Variants in ROS1 observed in about 807,000 individuals in gnomAD.
The protein encoded by ROS1 is ROS proto-oncogene 1, receptor tyrosine kinase.
A neutral mutation model predicts 273.5 loss-of-function variants in ROS1; 263 were observed. The observed-to-expected ratio is 0.96, with a 90% CI of 0.87 to 1.06. The LOEUF is 1.06. ROS1 is among the 50% of genes least tolerant of loss of function. The pLI is 0.00. For missense variants in ROS1, 2,833 were observed against 2,751.1 expected, an observed-to-expected ratio of 1.03 and a Z score of -0.67; for synonymous variants, 1,008 against 954.1, an observed-to-expected ratio of 1.06 and a Z score of -1.04.
At chr6:117,364,293 T>G (rs1264106594) in intron 21 of ROS1, among the ~76,000 whole-genome samples, 4 of 152,228 alleles carry the variant, frequency 2.6e-5, no homozygotes, top group Admixed American at 2.6e-4. Flanking sequence ...TCTTACCACC[T>G]GCCAAATCCT....
At position 117,394,164 on chromosome 6, in the gene ROS1, G is replaced by A; in HGVS notation, c.1189C>T (p.Leu397=). The A allele has an allele frequency of 6.3e-7, 1 of 1,577,960 alleles. No individual in the cohort carries two copies. Among genetic ancestry groups the A allele is most frequent in the East Asian group, 2.3e-5 (1 of 43,426 alleles). The change falls in exon 11 of 44, where the codon CTG becomes TTG. Residue 397 remains leucine (L), a splice_region_variant and synonymous_variant. Transcript: ENST00000368507. The stretch of plus-strand genomic sequence containing the variant: ...CCTCTTTAACTTCTCGGACTAACCA[G>A]TTCATCCATGATGAAATACATTCTT... ...YQRMYFIMDE[L]VCVCDLENCS...
intron 43 of ROS1, among the ~76,000 whole-genome samples, chr6:117,300,215 T>G (rs1774607585): frequency 6.7e-6 from 1 of 149,168 alleles, no homozygotes; most frequent in Non-Finnish European, 1.5e-5. Flanking sequence ...CCTCCCAAAC[T>G]GCTGGGATTA....
chr6:117,378,924 C>A, intron 18 of ROS1, 135 bp downstream of exon 18: 1 of 608,720 alleles, frequency 1.6e-6, no homozygotes. Context: ...CCTCTTTACC[C>A]TACAAGCCCA....
chr6:117,345,398 C>T (rs567058398), intron 27 of ROS1, among the ~76,000 whole-genome samples: 1 of 152,354 alleles, frequency 6.6e-6, no homozygotes, highest in African/African-American at 2.4e-5. Flanking sequence ...TCTACCAGTG[C>T]ACTAGCCACA....
At chr6:117,421,817 A>T (rs9489163) in intron 1 of ROS1, among the ~76,000 whole-genome samples, 28,021 of 151,974 alleles carry the variant, frequency 0.18, 2,714 homozygotes, top group Non-Finnish European at 0.21. Context: ...GTTATTGTAT[A>T]CTGTTGTCAT....
Position 117,387,793 on chromosome 6 carries a change from A to T in ROS1, c.1986T>A (p.Thr662=), listed in dbSNP as rs1162627871. Residue 662 remains threonine, a synonymous_variant, in exon 14 of 44, where the codon ACT becomes ACA. Coordinates refer to ENST00000368507, the MANE Select transcript of ROS1 (RefSeq NM_001378902.1). ...PGPWSEPSVG[T]TLVPASEPPF... ...ACATTTTCTCACCTGGCACCAGGGTAGTACCCACTGAGGGCTCTGACCAGG... is the reference window on the plus strand; with the variant it reads ...ACATTTTCTCACCTGGCACCAGGGTTGTACCCACTGAGGGCTCTGACCAGG... 6.2e-7 allele frequency: 1 copy of T among 1,613,946 alleles called. No individual in the cohort carries two copies. Among genetic ancestry groups the T allele is most frequent in the Non-Finnish European group, 8.5e-7 (1 of 1,179,956 alleles).
At chr6:117,331,962 T>C (rs9489126) in intron 32 of ROS1, among the ~76,000 whole-genome samples, 5,477 of 152,224 alleles carry the variant, frequency 0.036, 143 homozygotes, top group African/African-American at 0.075. Flanking sequence ...AATAGCATCA[T>C]GGTGACAGGA....
chr6:117,410,806 G>A (rs532640068), intron 4 of ROS1, among the ~76,000 whole-genome samples: 4 of 152,166 alleles, frequency 2.6e-5, no homozygotes, highest in East Asian at 3.9e-4. Context: ...TAAAAGGAAG[G>A]GTGCCTGATA....
rs115496180 is a variant in ROS1, at chr6:117,324,499, T to C, written c.5540-84A>G. 4.5e-3 allele frequency: 2,897 copies of C among 638,682 alleles called. 63 individuals are homozygous for C. The African/African-American group carries it at 0.049, about 11-fold the overall frequency. 39.6% of individuals were successfully genotyped at this position (638,682 alleles called of 1,614,324 possible). A position where few individuals can be genotyped will look rare whatever the true frequency, so the allele number is the denominator to read the frequency against. ...CTCTACCTAAGCACACAGAGTAATA[T>C]AGCAGAGCTAGCTACTACTGGATTT... On this transcript the variant is annotated intron_variant, in intron 34 of 43. Transcript: ENST00000368507.
intron 31 of ROS1, among the ~76,000 whole-genome samples, chr6:117,340,100 T>C (rs1407339878): frequency 6.6e-6 from 1 of 152,186 alleles, no homozygotes; most frequent in Non-Finnish European, 1.5e-5. Context: ...AAAATAGATG[T>C]TATTTTAAAA....
intron 22 of ROS1, among the ~76,000 whole-genome samples, chr6:117,360,869 T>A (rs1448920127): frequency 6.6e-6 from 1 of 152,132 alleles, no homozygotes; most frequent in African/African-American, 2.4e-5. Context: ...AATAAAACTG[T>A]ACAAATTATG....
At chr6:117,383,596 T>C (rs1772331956) in intron 16 of ROS1, 88 bp from the exon 17 acceptor site, 6 of 1,016,860 alleles carry the variant, frequency 5.9e-6, no homozygotes, top group African/African-American at 1.6e-5. Context: ...ATAAATTGCT[T>C]GATTAATCAT....
At chr6:117,383,601 A>G in intron 16 of ROS1, 93 bp from the exon 17 acceptor site, 1 of 990,004 alleles carries the variant, frequency 1.0e-6, no homozygotes, top group Non-Finnish European at 1.6e-6. Flanking sequence ...TTGCTTGATT[A>G]ATCATTCATT....
rs2128582400 is a variant in ROS1, at chr6:117,326,416, T to C, written c.5349-2A>G. On this transcript the variant is annotated splice_acceptor_variant, in intron 33 of 43. Transcript: ENST00000368507. LOFTEE classifies it high-confidence loss of function. Reference sequence around the variant, plus strand: ...TGTAAATTATTTGAAGTGCTCTTTCTGCAAAAAATAATAAATACAGAAAAT... The same window carrying C: ...TGTAAATTATTTGAAGTGCTCTTTCCGCAAAAAATAATAAATACAGAAAAT... 2 of 1,505,426 alleles carry C rather than the reference T, an allele frequency of 1.3e-6. No homozygotes were observed. Among genetic ancestry groups the C allele is most frequent in the Non-Finnish European group, 1.8e-6 (2 of 1,122,942 alleles). The allele number at this position is 1,505,426 out of a possible 1,614,324, so 93.3% of individuals were successfully genotyped here.
chr6:117,309,015 C>T (rs1582574725), intron 41 of ROS1, 87 bp from the exon 42 acceptor site: 2 of 1,282,420 alleles, frequency 1.6e-6, no homozygotes, highest in African/African-American at 3.0e-5. Context: ...TTTCCTGGGG[C>T]TAGCAGGGTC....
intron 43 of ROS1, among the ~76,000 whole-genome samples, chr6:117,296,827 G>A (rs1027692770): frequency 2.6e-5 from 4 of 152,086 alleles, no homozygotes; most frequent in African/African-American, 9.7e-5. Flanking sequence ...GTAACACAAA[G>A]GATAAATGCT....
intron 32 of ROS1, among the ~76,000 whole-genome samples, chr6:117,331,600 A>G (rs1777081000): frequency 1.3e-5 from 2 of 152,208 alleles, no homozygotes; most frequent in East Asian, 3.8e-4. Flanking sequence ...GAGAAAGGCC[A>G]GGTTACCTAC....
chr6:117,389,770 C>T lies in ROS1; in HGVS notation c.1366G>A (p.Val456Met), dbSNP rs1772905218. ...AACGTGCAACTCTCCACAATACGCA[C>T]AGCTTCTGCACACCGGCCAGATGGT... ...PVPSGRCAEA[V>M]RIVESCTLKD... Residue 456 changes from valine (V) to methionine (M), a missense_variant, in exon 13 of 44, where the codon GTG becomes ATG. Coordinates refer to ENST00000368507, the MANE Select transcript of ROS1 (RefSeq NM_001378902.1). 2 of 1,614,186 alleles carry T rather than the reference C, an allele frequency of 1.2e-6. No homozygotes were observed. The highest frequency in any genetic ancestry group is 1.7e-6 in the Non-Finnish European group (2 of 1,180,034).
At chr6:117,424,036 C>T (rs949618524) in intron 1 of ROS1, among the ~76,000 whole-genome samples, 1 of 152,070 alleles carries the variant, frequency 6.6e-6, no homozygotes, top group African/African-American at 2.4e-5. Context: ...TCTATTCCTA[C>T]TGCCAAACCC....
Sources: gnomAD v4.1 joint callset for allele counts (sites outside exome capture counted in the v4.1 genomes callset) on GRCh38, gnomAD v4.1.1 for gene constraint, MANE v1.5 for transcripts, NCBI Gene and HGNC (gene_info 2026-07-23, HGNC 2026-07-21) for gene names.